Variants in SRPK1 observed in about 807,000 individuals in gnomAD.
The protein encoded by SRPK1 is SRSF protein kinase 1.
A neutral mutation model predicts 89.5 loss-of-function variants in SRPK1; 52 were observed. That is an observed-to-expected ratio of 0.58 (90% CI 0.46 to 0.73). The LOEUF (loss-of-function observed/expected upper bound fraction) is 0.73, where lower values mean the gene tolerates loss of function less well. Ranked by LOEUF, SRPK1 falls within the 30% of genes least tolerant of loss-of-function variation. The pLI is 0.00. For missense variants in SRPK1, 603 were observed against 780.6 expected, an observed-to-expected ratio of 0.77 and a Z score of 2.71; for synonymous variants, 255 against 270.2, an observed-to-expected ratio of 0.94 and a Z score of 0.55.
At chr6:35,888,172 A>C (rs764307675) in intron 4 of SRPK1, 61 bp from the exon 5 acceptor site, 335 of 1,149,054 alleles carry the variant, frequency 2.9e-4, no homozygotes, top group Non-Finnish European at 3.9e-4. Context: ...GGAAGCTAAG[A>C]TTTAGCTATA....
At chr6:35,863,403 G>A (rs1399387368) in intron 12 of SRPK1, among the ~76,000 whole-genome samples, 1 of 148,666 alleles carries the variant, frequency 6.7e-6, no homozygotes, top group Non-Finnish European at 1.5e-5. Flanking sequence ...GTTGCAACAA[G>A]CCATGATGAC....
chr6:35,846,003 A>T lies in SRPK1; in HGVS notation c.1621-3399T>A, dbSNP rs147706343. On this transcript the variant is annotated intron_variant, in intron 13 of 15. Coordinates refer to ENST00000373825, the MANE Select transcript of SRPK1 (RefSeq NM_003137.5). ...CCATACCAAAGGGAAGTAAAATTCC[A>T]GAGCAGGGCTGGAGGCTGGAACAAT... is the stretch of plus-strand genomic sequence containing the variant. Among the ~76,000 whole-genome samples the T allele has an allele frequency of 3.0e-3, 461 of 152,348 alleles. 3 individuals are homozygous for T. The highest frequency in any genetic ancestry group is 0.011 in the African/African-American group (446 of 41,588).
chr6:35,837,954 C>T (rs920691000), intron 15 of SRPK1, among the ~76,000 whole-genome samples: 1 of 151,692 alleles, frequency 6.6e-6, no homozygotes, highest in African/African-American at 2.4e-5. Flanking sequence ...CTGCAACCTC[C>T]GCCTCCCAGA....
intron 2 of SRPK1, among the ~76,000 whole-genome samples, chr6:35,908,659 C>T (rs1770898686): frequency 6.6e-6 from 1 of 152,176 alleles, no homozygotes; most frequent in Non-Finnish European, 1.5e-5. Flanking sequence ...AATGTGTAGC[C>T]TGACAATGGG....
Position 35,834,073 on chromosome 6 carries a change from T to C in SRPK1, c.*1231A>G, listed in dbSNP as rs1007524839. On this transcript the variant is annotated 3_prime_UTR_variant, in exon 16 of 16. Coordinates refer to ENST00000373825, the MANE Select transcript of SRPK1 (RefSeq NM_003137.5). Reference sequence around the variant, plus strand: ...CAAAAAAGCCTCAAGTACATCTCAATCATGTCAAAATTATGGTTAAAAATT... The same window carrying C: ...CAAAAAAGCCTCAAGTACATCTCAACCATGTCAAAATTATGGTTAAAAATT... The C allele has an allele frequency of 6.6e-6, 1 of 152,562 alleles. No individual in the cohort carries two copies. The highest frequency in any genetic ancestry group is 6.6e-5 in the Admixed American group (1 of 15,260). 9.5% of individuals were successfully genotyped at this position (152,562 alleles called of 1,614,324 possible).
chr6:35,909,656 TGTCATGGGAGAGACCA>T (rs1770920746), intron 2 of SRPK1, among the ~76,000 whole-genome samples: 1 of 152,192 alleles, frequency 6.6e-6, no homozygotes, highest in African/African-American at 2.4e-5. Context: ...AATACCCACA[TGTCATGGGAGAGACCA>T]CGTGGGAGGT....
chr6:35,870,923 C>T lies in SRPK1; in HGVS notation c.777+11G>A, dbSNP rs1770023500. 1 of 1,601,330 alleles carries T rather than the reference C, an allele frequency of 6.2e-7. No individual in the cohort carries two copies. Among genetic ancestry groups the T allele is most frequent in the African/African-American group, 1.3e-5 (1 of 74,362 alleles). ...AGATCAAAATTAAATATAAAAACAC[C>T]TTATACTTACTGGTTTAGGCTGGGG... is the stretch of plus-strand genomic sequence containing the variant. On this transcript the variant is annotated intron_variant, in intron 9 of 15. Coordinates refer to ENST00000373825, the MANE Select transcript of SRPK1 (RefSeq NM_003137.5).
intron 12 of SRPK1, 91 bp downstream of exon 12, chr6:35,868,919 A>C: frequency 1.1e-6 from 1 of 951,146 alleles, no homozygotes; most frequent in Non-Finnish European, 1.6e-6. Context: ...CAATCTGGGT[A>C]CAGAATTATG....
intron 2 of SRPK1, among the ~76,000 whole-genome samples, chr6:35,918,810 G>C (rs920908248): frequency 1.3e-5 from 2 of 152,100 alleles, no homozygotes; most frequent in Admixed American, 6.5e-5. Context: ...ATAGATAATC[G>C]AAAGTAACAG....
chr6:35,853,967 T>A (rs1044146275), intron 13 of SRPK1, among the ~76,000 whole-genome samples: 1 of 152,094 alleles, frequency 6.6e-6, no homozygotes, highest in Non-Finnish European at 1.5e-5. Context: ...TTTTGTTTTT[T>A]TGAAATGGAG....
intron 2 of SRPK1, among the ~76,000 whole-genome samples, chr6:35,913,695 G>A (rs966549800): frequency 6.6e-6 from 1 of 151,568 alleles, no homozygotes; most frequent in African/African-American, 2.4e-5. Flanking sequence ...CTACTCGGGA[G>A]CCTGAGGCAG....
At chr6:35,877,492 T>C (rs1770179247) in intron 6 of SRPK1, among the ~76,000 whole-genome samples, 1 of 152,198 alleles carries the variant, frequency 6.6e-6, no homozygotes, top group Non-Finnish European at 1.5e-5. Context: ...ATGGTTATTA[T>C]AGTTGTATTC....
intron 9 of SRPK1, 69 bp downstream of exon 9, chr6:35,870,865 T>C (rs1770021395): frequency 2.3e-6 from 3 of 1,313,556 alleles, no homozygotes; most frequent in African/African-American, 3.0e-5. Flanking sequence ...ACTGTTACCA[T>C]CCACAACAGA....
At chr6:35,905,708 G>A (rs541357039) in intron 2 of SRPK1, among the ~76,000 whole-genome samples, 1 of 152,168 alleles carries the variant, frequency 6.6e-6, no homozygotes, top group Non-Finnish European at 1.5e-5. Context: ...TGCTGGAATT[G>A]TAATTCTAAG....
At chr6:35,838,477 C>G (rs1769233634) in intron 14 of SRPK1, 48 bp from the exon 15 acceptor site, 1 of 1,482,338 alleles carries the variant, frequency 6.7e-7, no homozygotes, top group Non-Finnish European at 9.1e-7. Context: ...AGATCCGTAA[C>G]AAGAGTAACA....
chr6:35,913,805 G>GAA (rs202235876), intron 2 of SRPK1, among the ~76,000 whole-genome samples: 4,304 of 140,316 alleles, frequency 0.031, 138 homozygotes, highest in African/African-American at 0.076. Flanking sequence ...CTCAAAAAAA[G>GAA]AAAAAAAAAT....
At chr6:35,905,504 C>CA (rs1770831700) in intron 2 of SRPK1, among the ~76,000 whole-genome samples, 1 of 152,008 alleles carries the variant, frequency 6.6e-6, no homozygotes, top group African/African-American at 2.4e-5. Flanking sequence ...TTAAAAAAGT[C>CA]AAAGATGATG....
chr6:35,901,790 G>T (rs1239418004), intron 2 of SRPK1, among the ~76,000 whole-genome samples: 10 of 151,654 alleles, frequency 6.6e-5, no homozygotes, highest in Non-Finnish European at 1.3e-4. Context: ...TTTCCTGAAA[G>T]ATTTTTTTCT....
chr6:35,846,466 C>T (rs1013166755), intron 13 of SRPK1, among the ~76,000 whole-genome samples: 1 of 151,560 alleles, frequency 6.6e-6, no homozygotes, highest in Non-Finnish European at 1.5e-5. Context: ...GTGGCACATG[C>T]CTGTGGTCCC....
Sources: gnomAD v4.1 joint callset for allele counts (sites outside exome capture counted in the v4.1 genomes callset) on GRCh38, gnomAD v4.1.1 for gene constraint, MANE v1.5 for transcripts, NCBI Gene and HGNC (gene_info 2026-07-23, HGNC 2026-07-21) for gene names.